Variants in PRDM5 observed in about 807,000 individuals in gnomAD.
PRDM5 encodes the protein PR domain zinc finger protein 5.
In PRDM5, 56 loss-of-function variants were observed where a neutral mutation model predicts 81.2. That is an observed-to-expected ratio of 0.69 (90% CI 0.56 to 0.86). PRDM5 has a LOEUF of 0.86. Among genes scored for constraint, PRDM5 ranks in the 40% least tolerant of loss-of-function variants. PRDM5 has a pLI of 0.00. For synonymous variants in PRDM5, 267 were observed against 256.4 expected, an observed-to-expected ratio of 1.04 and a Z score of -0.39; for missense variants, 697 against 770.1, an observed-to-expected ratio of 0.91 and a Z score of 1.12.
At chr4:120,863,783 G>C (rs6852900) in intron 2 of PRDM5, among the ~76,000 whole-genome samples, 2 of 152,274 alleles carry the variant, frequency 1.3e-5, no homozygotes. Context: ...TTTGCAAAGA[G>C]GTGAATCCAC....
chr4:120,914,506 T>C (rs1043016436), intron 1 of PRDM5, among the ~76,000 whole-genome samples: 10 of 152,112 alleles, frequency 6.6e-5, no homozygotes, highest in African/African-American at 1.7e-4. Context: ...AGAACTTCCC[T>C]AAGTCTGGGT....
chr4:120,912,294 C>T (rs557933722), intron 1 of PRDM5, among the ~76,000 whole-genome samples: 5 of 152,234 alleles, frequency 3.3e-5, no homozygotes, highest in Admixed American at 6.5e-5. Context: ...ATTATATGCC[C>T]CCTACTGTTA....
At chr4:120,766,407 G>A (rs758520004) in intron 13 of PRDM5, among the ~76,000 whole-genome samples, 2 of 152,188 alleles carry the variant, frequency 1.3e-5, no homozygotes, top group Non-Finnish European at 2.9e-5. Context: ...TGGATATAAA[G>A]GTGGCATTAA....
At chr4:120,823,304 CTCTG>C (rs1393222870) in intron 3 of PRDM5, among the ~76,000 whole-genome samples, 5 of 152,060 alleles carry the variant, frequency 3.3e-5, no homozygotes, top group Admixed American at 6.5e-5. Context: ...TGTTTAGAGG[CTCTG>C]TAATAAAAGA....
downstream of PRDM5, among the ~76,000 whole-genome samples, chr4:120,690,726 A>G (rs60100184): frequency 0.04 from 6,070 of 152,138 alleles, 287 homozygotes; most frequent in African/African-American, 0.12. Context: ...AAAGAGATAA[A>G]TTGATATTTT....
intron 2 of PRDM5, among the ~76,000 whole-genome samples, chr4:120,887,729 C>T (rs867340899): frequency 6.6e-6 from 1 of 152,096 alleles, no homozygotes; most frequent in African/African-American, 2.4e-5. Flanking sequence ...TTATTTAGGT[C>T]CTACCACAAC....
intron 1 of PRDM5, among the ~76,000 whole-genome samples, chr4:120,907,863 G>A (rs1196891759): frequency 2.0e-5 from 3 of 152,196 alleles, no homozygotes; most frequent in Non-Finnish European, 4.4e-5. Flanking sequence ...CATAGCCTCT[G>A]GCAAGCGATG....
intron 7 of PRDM5, 139 bp downstream of exon 7, chr4:120,816,314 A>AT: frequency 7.2e-7 from 1 of 1,395,598 alleles, no homozygotes; most frequent in Non-Finnish European, 1.0e-6. Context: ...AAAGAAAAAA[A>AT]TCCACTGCCA....
intron 14 of PRDM5, among the ~76,000 whole-genome samples, chr4:120,734,419 A>AC (rs1740779320): frequency 9.1e-6 from 1 of 110,116 alleles, no homozygotes; most frequent in African/African-American, 4.1e-5. Context: ...CACACACACA[A>AC]ATACACACAC....
chr4:120,704,008 C>A lies in PRDM5; in HGVS notation c.1728+6301G>T, dbSNP rs764113308. The stretch of plus-strand genomic sequence containing the variant: ...ACTGTGGTGGGAGGGATACAAAGTG[C>A]AAGTCCATTTACACAGTTACCATGG... On this transcript the variant is annotated intron_variant, in intron 15 of 15. Coordinates refer to ENST00000264808, the MANE Select transcript of PRDM5 (RefSeq NM_018699.4). Among the ~76,000 whole-genome samples the A allele has an allele frequency of 1.8e-4, 27 of 152,228 alleles. No homozygotes were observed. The Middle Eastern group carries it at 0.01, about 58-fold the overall frequency.
At chr4:120,697,670 A>ATTT (rs373112429) in intron 15 of PRDM5, among the ~76,000 whole-genome samples, 2 of 30,118 alleles carry the variant, frequency 6.6e-5, no homozygotes, top group African/African-American at 1.1e-4. Flanking sequence ...CCAGCTAACT[A>ATTT]TTTTTTTTTT....
chr4:120,718,829 T>C lies in PRDM5; in HGVS notation c.1624-8416A>G, dbSNP rs146598627. Among the ~76,000 whole-genome samples, 314 of 152,318 alleles carry C rather than the reference T, an allele frequency of 2.1e-3. 1 individual carries two copies. Among genetic ancestry groups the C allele is most frequent in the African/African-American group, 7.0e-3 (292 of 41,562 alleles). ...GTCAGACACATTACAAACTGTGGCA[T>C]AGATGACACTGACTTGTAAACAAAA... On this transcript the variant is annotated intron_variant, in intron 14 of 15. Coordinates refer to ENST00000264808, the MANE Select transcript of PRDM5 (RefSeq NM_018699.4).
intron 8 of PRDM5, among the ~76,000 whole-genome samples, chr4:120,804,613 CAAA>C (rs1752641572): frequency 6.6e-6 from 1 of 152,198 alleles, no homozygotes; most frequent in South Asian, 2.1e-4. Flanking sequence ...GGGTACATAA[CAAA>C]ATGAAGGCAG....
intron 3 of PRDM5, among the ~76,000 whole-genome samples, chr4:120,836,546 C>T (rs1022049452): frequency 6.6e-6 from 1 of 152,150 alleles, no homozygotes; most frequent in African/African-American, 2.4e-5. Flanking sequence ...CAGTTAGATA[C>T]TTTATTAGCT....
At position 120,910,977 on chromosome 4, in the gene PRDM5, C is replaced by T. The variant is rs1766436406; in HGVS notation, c.94-3420G>A. On this transcript the variant is annotated intron_variant, in intron 1 of 15. Coordinates refer to ENST00000264808, the MANE Select transcript of PRDM5 (RefSeq NM_018699.4). ...TTTTCTTGCTGTCCATTTGTGCCTG[C>T]ATTATTGGTATTACCTTTGACTTGT... Among the ~76,000 whole-genome samples the T allele has an allele frequency of 1.3e-5, 2 of 152,140 alleles. 1 individual carries two copies. The highest frequency in any genetic ancestry group is 4.1e-4 in the South Asian group (2 of 4,828).
chr4:120,798,179 C>T, intron 10 of PRDM5, 88 bp downstream of exon 10: 1 of 1,011,202 alleles, frequency 9.9e-7, no homozygotes, highest in South Asian at 1.8e-5. Flanking sequence ...CAGTAGGCCC[C>T]AGATGTACAA....
intron 10 of PRDM5, among the ~76,000 whole-genome samples, chr4:120,795,012 G>T (rs1264941295): frequency 2.0e-5 from 3 of 152,128 alleles, no homozygotes; most frequent in African/African-American, 7.2e-5. Context: ...ATTTGAAAAA[G>T]ACTTGATGAG....
chr4:120,766,797 A>G (rs1746452376), intron 13 of PRDM5, among the ~76,000 whole-genome samples: 1 of 152,228 alleles, frequency 6.6e-6, no homozygotes, highest in African/African-American at 2.4e-5. Flanking sequence ...TAGATTTCTG[A>G]AACCCTTTCT....
intron 14 of PRDM5, among the ~76,000 whole-genome samples, chr4:120,713,185 T>C (rs1028023821): frequency 1.3e-5 from 2 of 152,218 alleles, no homozygotes; most frequent in Non-Finnish European, 2.9e-5. Flanking sequence ...TTTATCATTT[T>C]GACATGACCT....
Sources: gnomAD v4.1 joint callset for allele counts (sites outside exome capture counted in the v4.1 genomes callset) on GRCh38, gnomAD v4.1.1 for gene constraint, MANE v1.5 for transcripts, NCBI Gene and HGNC (gene_info 2026-07-23, HGNC 2026-07-21) for gene names.